PHACTR1: variants seen among roughly 807,000 people sequenced by gnomAD.
The protein encoded by PHACTR1 is phosphatase and actin regulator 1, also known as RPEL repeat containing 1.
A neutral mutation model predicts 69.2 loss-of-function variants in PHACTR1; 16 were observed. The ratio of observed to expected loss-of-function variants is 0.23; its 90% CI spans 0.16 to 0.35. PHACTR1 has a LOEUF of 0.35. Ranked by LOEUF, PHACTR1 falls within the 10% of genes least tolerant of loss-of-function variation. PHACTR1 has a pLI of 1.00. For missense variants in PHACTR1, 510 were observed against 734.7 expected (o/e 0.69, Z 3.54); for synonymous variants, 312 against 284.5 (o/e 1.10, Z -0.97).
At chr6:13,120,091 T>C (rs1818467080) in intron 5 of PHACTR1, among the ~76,000 whole-genome samples, 1 of 152,218 alleles carries the variant, frequency 6.6e-6, no homozygotes, top group South Asian at 2.1e-4. Context: ...CTCTTCTCTG[T>C]GGAGAAAACA....
chr6:12,966,396 G>A (rs1012622720), intron 4 of PHACTR1, among the ~76,000 whole-genome samples: 3 of 152,206 alleles, frequency 2.0e-5, no homozygotes, highest in African/African-American at 7.2e-5. Flanking sequence ...CTTGTCCCTG[G>A]ACATCCTGCT....
In PHACTR1 at chr6:13,287,736, C is replaced by T. The variant is rs1781938697; in HGVS notation, c.*658C>T. 6.5e-6 allele frequency: 1 copy of T among 152,910 alleles called. No homozygotes were observed. The highest frequency in any genetic ancestry group is 1.5e-5 in the Non-Finnish European group (1 of 68,598). 9.5% of individuals were successfully genotyped at this position (152,910 alleles called of 1,614,324 possible). A position where few individuals can be genotyped will look rare whatever the true frequency, so the allele number is the denominator to read the frequency against. The stretch of plus-strand genomic sequence containing the variant: ...GGCTACGAAGGCTGGCACTGAGCAC[C>T]CATCCTGCTCCCTCTGCCTGAGCTG... On this transcript the variant is annotated 3_prime_UTR_variant, in exon 15 of 15. Transcript: ENST00000332995.
intron 4 of PHACTR1, among the ~76,000 whole-genome samples, chr6:12,830,866 G>A (rs557934030): frequency 6.6e-6 from 1 of 152,126 alleles, no homozygotes; most frequent in East Asian, 1.9e-4. Flanking sequence ...AAAGTGCTGG[G>A]ATTACAGGCA....
chr6:13,059,698 C>A (rs1288633129), intron 5 of PHACTR1, among the ~76,000 whole-genome samples: 1 of 152,042 alleles, frequency 6.6e-6, no homozygotes, highest in Non-Finnish European at 1.5e-5. Flanking sequence ...AAGTTTGACA[C>A]CCTAATGTTG....
intron 5 of PHACTR1, among the ~76,000 whole-genome samples, chr6:13,112,178 T>C (rs1192306373): frequency 4.6e-5 from 7 of 152,192 alleles, no homozygotes; most frequent in African/African-American, 1.7e-4. Flanking sequence ...GGCCTCCACT[T>C]TCATCCATGT....
intron 8 of PHACTR1, among the ~76,000 whole-genome samples, chr6:13,226,291 T>A (rs1203090069): frequency 6.6e-6 from 1 of 152,166 alleles, no homozygotes; most frequent in South Asian, 2.1e-4. Flanking sequence ...AGGAAGGAAG[T>A]TAATTGAATT....
intron 10 of PHACTR1, among the ~76,000 whole-genome samples, chr6:13,255,140 A>C (rs1264226836): frequency 6.6e-6 from 1 of 152,196 alleles, no homozygotes; most frequent in African/African-American, 2.4e-5. Flanking sequence ...CAGGAAACAA[A>C]GTGGCTGCAA....
chr6:13,276,779 TAAA>T (rs1178342449), intron 11 of PHACTR1, among the ~76,000 whole-genome samples: 2 of 151,378 alleles, frequency 1.3e-5, no homozygotes, highest in Non-Finnish European at 2.9e-5. Flanking sequence ...CTCAAAAAAA[TAAA>T]AAATTAAAAA....
At chr6:13,231,339 G>A (rs1170807564) in intron 10 of PHACTR1, among the ~76,000 whole-genome samples, 1 of 2,042 alleles carries the variant, frequency 4.9e-4, no homozygotes, top group Non-Finnish European at 1.0e-3. Flanking sequence ...AGGAAGGAAG[G>A]AAGGGGAAAG....
intron 4 of PHACTR1, among the ~76,000 whole-genome samples, chr6:13,028,978 G>C (rs180948151): frequency 6.6e-6 from 1 of 152,078 alleles, no homozygotes; most frequent in Non-Finnish European, 1.5e-5. Context: ...AAGGAAGGAA[G>C]AGTAGGTGTA....
intron 4 of PHACTR1, among the ~76,000 whole-genome samples, chr6:12,788,701 G>A (rs1162181907): frequency 2.6e-5 from 4 of 152,214 alleles, no homozygotes; most frequent in Non-Finnish European, 5.9e-5. Flanking sequence ...ATTGTGCCCA[G>A]AATATTCTAG....
chr6:13,123,815 G>A (rs974990299), intron 5 of PHACTR1, among the ~76,000 whole-genome samples: 4 of 152,164 alleles, frequency 2.6e-5, no homozygotes, highest in African/African-American at 4.8e-5. Context: ...CCTGTGGCCC[G>A]GGCCAGGTAG....
intron 5 of PHACTR1, among the ~76,000 whole-genome samples, chr6:13,079,353 A>G (rs1237207476): frequency 6.6e-6 from 1 of 152,176 alleles, no homozygotes; most frequent in Admixed American, 6.6e-5. Context: ...CTCTTAGGTG[A>G]CATTCCATTT....
At chr6:13,167,574 G>A (rs576244623) in intron 6 of PHACTR1, among the ~76,000 whole-genome samples, 1 of 152,306 alleles carries the variant, frequency 6.6e-6, no homozygotes, top group South Asian at 2.1e-4. Flanking sequence ...TAGACCTGGG[G>A]GAAGAGGTAA....
chr6:12,759,716 T>A (rs749482220), intron 4 of PHACTR1, among the ~76,000 whole-genome samples: 6 of 152,172 alleles, frequency 3.9e-5, no homozygotes, highest in Non-Finnish European at 7.3e-5. Context: ...TAAAATATAG[T>A]TTTTGATACT....
chr6:13,269,227 A>G (rs1017565270), intron 10 of PHACTR1, among the ~76,000 whole-genome samples: 5 of 152,246 alleles, frequency 3.3e-5, no homozygotes, highest in Admixed American at 6.5e-5. Flanking sequence ...TTACCAAACC[A>G]TTCCATAAAA....
chr6:12,727,667 A>G (rs1201000402), intron 3 of PHACTR1, among the ~76,000 whole-genome samples: 2 of 152,200 alleles, frequency 1.3e-5, no homozygotes, highest in Non-Finnish European at 2.9e-5. Context: ...CAGTTAGCAT[A>G]AACAATTCAC....
intron 10 of PHACTR1, among the ~76,000 whole-genome samples, chr6:13,258,249 T>G (rs1554179466): frequency 3.3e-5 from 5 of 151,592 alleles, no homozygotes; most frequent in Non-Finnish European, 7.4e-5. Flanking sequence ...TTCCAGCTTC[T>G]AGGGGGGAGG....
intron 5 of PHACTR1, among the ~76,000 whole-genome samples, chr6:13,074,944 T>C (rs893309327): frequency 6.6e-6 from 1 of 152,250 alleles, no homozygotes; most frequent in Non-Finnish European, 1.5e-5. Context: ...TATATCCACC[T>C]GTTGATTTCT....
Sources: gnomAD v4.1 joint callset for allele counts (sites outside exome capture counted in the v4.1 genomes callset) on GRCh38, gnomAD v4.1.1 for gene constraint, MANE v1.5 for transcripts, NCBI Gene and HGNC (gene_info 2026-07-23, HGNC 2026-07-21) for gene names.